The following CHRM1 variants were observed in gnomAD, a reference collection of about 807,000 sequenced individuals.
CHRM1 encodes the protein muscarinic acetylcholine receptor M1.
In CHRM1, 5 loss-of-function variants were observed where a neutral mutation model predicts 31.6. The observed-to-expected ratio is 0.16, with a 90% CI of 0.08 to 0.33. The LOEUF is 0.33. Ranked by LOEUF, CHRM1 falls within the 10% of genes least tolerant of loss-of-function variation. CHRM1 has a pLI of 1.00. For missense variants in CHRM1, 338 were observed against 610.3 expected, an observed-to-expected ratio of 0.55 and a Z score of 4.70; for synonymous variants, 227 against 249.7, an observed-to-expected ratio of 0.91 and a Z score of 0.86.
At chr11:62,915,593 G>A (rs1440867612) in intron 1 of CHRM1, among the ~76,000 whole-genome samples, 1 of 152,136 alleles carries the variant, frequency 6.6e-6, no homozygotes, top group African/African-American at 2.4e-5. Flanking sequence ...GCTCTGAAGC[G>A]AGTGCCTTGC....
At chr11:62,921,061 C>A (rs912654200) in intron 1 of CHRM1, among the ~76,000 whole-genome samples, 157 bp downstream of exon 1, 3 of 152,074 alleles carry the variant, frequency 2.0e-5, no homozygotes, top group South Asian at 4.1e-4. Context: ...TGCTACAGAG[C>A]CCCCTTGCCC....
intron 1 of CHRM1, among the ~76,000 whole-genome samples, 153 bp downstream of exon 1, chr11:62,921,065 C>CTT (rs1396055456): frequency 1.3e-5 from 2 of 152,102 alleles, no homozygotes; most frequent in East Asian, 3.8e-4. Flanking sequence ...ACAGAGCCCC[C>CTT]TTGCCCTCTA....
In CHRM1 at chr11:62,909,049, C is replaced by T. The variant is rs1427904021; in HGVS notation, c.*669G>A. Reference sequence around the variant, plus strand: ...ATTGTAGGACAGTCAGGACACCTGGCTCCTGGTCCTGTTGCTGCCTCGGGA... The same window carrying T: ...ATTGTAGGACAGTCAGGACACCTGGTTCCTGGTCCTGTTGCTGCCTCGGGA... On this transcript the variant is annotated 3_prime_UTR_variant, in exon 2 of 2. Coordinates refer to ENST00000306960, the MANE Select transcript of CHRM1 (RefSeq NM_000738.3). 1 of 152,420 alleles carries T rather than the reference C, an allele frequency of 6.6e-6. No homozygotes were observed. Among genetic ancestry groups the T allele is most frequent in the Non-Finnish European group, 1.5e-5 (1 of 68,162 alleles). 9.4% of individuals were successfully genotyped at this position (152,420 alleles called of 1,614,324 possible).
At chr11:62,914,662 A>G (rs1201934679) in intron 1 of CHRM1, among the ~76,000 whole-genome samples, 2 of 152,236 alleles carry the variant, frequency 1.3e-5, no homozygotes, top group Non-Finnish European at 2.9e-5. Flanking sequence ...AAAAGGGAGT[A>G]GAAGGCATTG....
rs925772345 is a variant in CHRM1, at chr11:62,910,420, G to A, written c.681C>T (p.Gly227=). ...CACCCCCTTTGCCTGGCGTCTCGGA[G>A]CCCTGAAGGGCTGCCAGCTCCCGTG... ...NRARELAALQ[G]SETPGKGGGS... is the part of the protein sequence containing the mutation. The change falls in exon 2 of 2, where the codon GGC becomes GGT. Residue 227 remains glycine, a synonymous_variant. Transcript: ENST00000306960. This position sits in a 1 kb window ranked among gnomAD's most constrained non-coding sequence, Gnocchi z 8.7. The A allele has an allele frequency of 1.9e-6, 3 of 1,612,992 alleles. No homozygotes were observed. Among genetic ancestry groups the A allele is most frequent in the Middle Eastern group, 1.6e-4 (1 of 6,062 alleles).
chr11:62,911,771 C>T (rs960610331), intron 1 of CHRM1, among the ~76,000 whole-genome samples: 1 of 152,040 alleles, frequency 6.6e-6, no homozygotes, highest in Non-Finnish European at 1.5e-5. Flanking sequence ...AGAAATGTGT[C>T]CTAAAACAGG....
Position 62,910,654 on chromosome 11 carries a change from G to A in CHRM1, c.447C>T (p.Ala149=), listed in dbSNP as rs1217858840. The A allele has an allele frequency of 6.2e-7, 1 of 1,614,208 alleles. No homozygotes were observed. Among genetic ancestry groups the A allele is most frequent in the East Asian group, 2.2e-5 (1 of 44,878 alleles). ...CCCAGAGCACAAAGGAAACCAGCCA[G>A]GCCAGGCCGATCATCAGAGCTGCCC... ...PRRAALMIGL[A]WLVSFVLWAP... Residue 149 remains alanine, a synonymous_variant, in exon 2 of 2, where the codon GCC becomes GCT. Transcript: ENST00000306960. This position sits in a 1 kb window ranked among gnomAD's most constrained non-coding sequence, Gnocchi z 8.7.
At position 62,910,783 on chromosome 11, in the gene CHRM1, A is replaced by G. The variant is rs2085866765; in HGVS notation, c.318T>C (p.Tyr106=). Residue 106 remains tyrosine, a synonymous_variant, in exon 2 of 2, where the codon TAT becomes TAC. Coordinates refer to ENST00000306960, the MANE Select transcript of CHRM1 (RefSeq NM_000738.3). The surrounding 1 kb of genome is among the most constrained non-coding windows in gnomAD (Gnocchi z 8.7). ...LACDLWLALD[Y]VASNASVMNL... The stretch of plus-strand genomic sequence containing the variant: ...TCATGACGGAGGCATTGCTGGCCAC[A>G]TAGTCCAGGGCCAGCCAGAGGTCAC... The G allele has an allele frequency of 6.2e-7, 1 of 1,614,096 alleles. No homozygotes were observed. The highest frequency in any genetic ancestry group is 1.3e-5 in the African/African-American group (1 of 74,932).
chr11:62,918,507 A>C (rs1480937456), intron 1 of CHRM1: 1 of 152,192 alleles, frequency 6.6e-6, no homozygotes, highest in Non-Finnish European at 1.5e-5. Context: ...TCCCTGAGTG[A>C]GGCCCTGCCT....
intron 1 of CHRM1, among the ~76,000 whole-genome samples, chr11:62,913,671 C>CAAAAAAAAAA (rs35385223): frequency 1.2e-5 from 1 of 83,404 alleles, no homozygotes; most frequent in Non-Finnish European, 2.6e-5. Flanking sequence ...AACTCTGTCT[C>CAAAAAAAAAA]AAAAAAAAAA....
rs372663588 is a variant in CHRM1, at chr11:62,911,132, C to G, written c.-32G>C. ...TAGGTGGGGCTGGGGTTGGAGAGCCCCTTCCTCCAGGCACGCTACAGGGCT... is the reference window on the plus strand; with the variant it reads ...TAGGTGGGGCTGGGGTTGGAGAGCCGCTTCCTCCAGGCACGCTACAGGGCT... On this transcript the variant is annotated 5_prime_UTR_variant, in exon 2 of 2. Coordinates refer to ENST00000306960, the MANE Select transcript of CHRM1 (RefSeq NM_000738.3). 9.7e-5 allele frequency: 155 copies of G among 1,600,746 alleles called. No homozygotes were observed. The highest frequency in any genetic ancestry group is 1.2e-4 in the Non-Finnish European group (146 of 1,172,632).
At position 62,909,946 on chromosome 11, in the gene CHRM1, C is replaced by T; in HGVS notation, c.1155G>A (p.Val385=). The change falls in exon 2 of 2, where the codon GTG becomes GTA. Residue 385 remains valine, a synonymous_variant. Coordinates refer to ENST00000306960, the MANE Select transcript of CHRM1 (RefSeq NM_000738.3). Reference sequence around the variant, plus strand: ...AGTCCTTGCAGAAGGTGGACACCAGCACCATGATGTTGTACGGTGTCCAGG... The same window carrying T: ...AGTCCTTGCAGAAGGTGGACACCAGTACCATGATGTTGTACGGTGTCCAGG... ...ILTWTPYNIM[V]LVSTFCKDCV... 6.2e-7 allele frequency: 1 copy of T among 1,614,200 alleles called. No individual in the cohort carries two copies. The highest frequency in any genetic ancestry group is 8.5e-7 in the Non-Finnish European group (1 of 1,180,032).
Position 62,910,151 on chromosome 11 carries a change from T to G in CHRM1, c.950A>C (p.Gln317Pro). The change falls in exon 2 of 2, where the codon CAG (glutamine) becomes CCG (proline). Residue 317 changes from glutamine (Q) to proline (P), a missense_variant. Transcript: ENST00000306960. The surrounding 1 kb of genome is among the most constrained non-coding windows in gnomAD (Gnocchi z 8.7). ...VDPEAQAPTK[Q>P]PPRSSPNTVK... ...TGTATTTGGGGAGCTCCGTGGGGGC[T>G]GCTTGGTGGGGGCCTGTGCCTCGGG... 6.2e-7 allele frequency: 1 copy of G among 1,606,352 alleles called. No individual in the cohort carries two copies. The highest frequency in any genetic ancestry group is 8.5e-7 in the Non-Finnish European group (1 of 1,176,236).
chr11:62,921,239 G>T lies in CHRM1; in HGVS notation c.-100C>A, dbSNP rs890334667. 1 of 152,216 alleles carries T rather than the reference G, an allele frequency of 6.6e-6. No individual in the cohort carries two copies. Among genetic ancestry groups the T allele is most frequent in the Admixed American group, 6.5e-5 (1 of 15,276 alleles). The allele number at this position is 152,216 out of a possible 1,614,324, so 9.4% of individuals were successfully genotyped here. A position where few individuals can be genotyped will look rare whatever the true frequency, so the allele number is the denominator to read the frequency against. ...TCACCACGGGGCTGAAGAGGGGTCTGTAGGGTCCTCAGCCCCACTGCCTCC... is the reference window on the plus strand; with the variant it reads ...TCACCACGGGGCTGAAGAGGGGTCTTTAGGGTCCTCAGCCCCACTGCCTCC... On this transcript the variant is annotated 5_prime_UTR_variant, in exon 1 of 2. Coordinates refer to ENST00000306960, the MANE Select transcript of CHRM1 (RefSeq NM_000738.3).
In CHRM1 at chr11:62,920,973, C is replaced by T. The variant is rs72931338; in HGVS notation, c.-79+245G>A. 9.9e-3 allele frequency among the ~76,000 whole-genome samples: 1,508 copies of T among 152,250 alleles called. 8 individuals carry two copies. The highest frequency in any genetic ancestry group is 0.051 in the Middle Eastern group (15 of 294). ...CTGAGGGGGATCTCCATCTCCTCTG[C>T]CAGCAGAAGCCCAGAAAAACATCAG... On this transcript the variant is annotated intron_variant, in intron 1 of 1. Coordinates refer to ENST00000306960, the MANE Select transcript of CHRM1 (RefSeq NM_000738.3).
intron 1 of CHRM1, among the ~76,000 whole-genome samples, chr11:62,913,976 T>G (rs2085886854): frequency 6.6e-6 from 1 of 151,490 alleles, no homozygotes; most frequent in Non-Finnish European, 1.5e-5. Flanking sequence ...GGAGTCTCGC[T>G]GTGTCACCCA....
chr11:62,914,380 G>A (rs771331792), intron 1 of CHRM1, among the ~76,000 whole-genome samples: 29 of 152,268 alleles, frequency 1.9e-4, no homozygotes, highest in Non-Finnish European at 4.0e-4. Context: ...TACAAAAACC[G>A]AAGGCCAGCC....
At chr11:62,915,795 C>T (rs2085897250) in intron 1 of CHRM1, among the ~76,000 whole-genome samples, 1 of 151,972 alleles carries the variant, frequency 6.6e-6, no homozygotes, top group Admixed American at 6.6e-5. Context: ...AAAGTTAAAG[C>T]CTTATTGTTA....
In CHRM1 at chr11:62,909,394, C is replaced by T; in HGVS notation, c.*324G>A. ...TTAAGCCTTCTTTCTCCTGGCCCGC[C>T]CTGCTGGCTCCTGACTTCCTGCCTA... is the stretch of plus-strand genomic sequence containing the variant. On this transcript the variant is annotated 3_prime_UTR_variant, in exon 2 of 2. Transcript: ENST00000306960. The T allele has an allele frequency of 2.8e-6, 1 of 353,750 alleles. No individual in the cohort carries two copies. The highest frequency in any genetic ancestry group is 5.1e-6 in the Non-Finnish European group (1 of 194,212). The allele number at this position is 353,750 out of a possible 1,614,324, so 21.9% of individuals were successfully genotyped here.
Sources: allele counts gnomAD v4.1 joint callset (sites outside exome capture counted in the v4.1 genomes callset), GRCh38; gene constraint gnomAD v4.1.1; non-coding constraint Gnocchi (gnomAD v3.1); transcripts MANE v1.5; gene names NCBI Gene and HGNC (gene_info 2026-07-23, HGNC 2026-07-21).